Variants in PTBP3 observed in about 807,000 individuals in gnomAD.
PTBP3 encodes polypyrimidine tract binding protein 3, also known as polypyrimidine tract-binding protein 3.
Under a neutral mutation model 58.7 loss-of-function variants are expected in PTBP3, and 20 were observed. The ratio of observed to expected loss-of-function variants is 0.34; its 90% confidence interval spans 0.24 to 0.50. The LOEUF (loss-of-function observed/expected upper bound fraction) is 0.50, where lower values mean the gene tolerates loss of function less well. Among genes scored for constraint, PTBP3 ranks in the 20% least tolerant of loss-of-function variants. PTBP3 has a pLI of 0.98. For missense variants in PTBP3, 509 were observed against 637.2 expected, an observed-to-expected ratio of 0.80 and a Z score of 2.17; for synonymous variants, 185 against 219.8, an observed-to-expected ratio of 0.84 and a Z score of 1.40.
At chr9:112,230,625 T>G (rs1835162946) in intron 10 of PTBP3, among the ~76,000 whole-genome samples, 1 of 152,156 alleles carries the variant, frequency 6.6e-6, no homozygotes. Flanking sequence ...ACCATTAAAA[T>G]CAAGTAGTGA....
At chr9:112,319,846 T>C (rs1180935163) in intron 1 of PTBP3, among the ~76,000 whole-genome samples, 1 of 152,154 alleles carries the variant, frequency 6.6e-6, no homozygotes, top group Non-Finnish European at 1.5e-5. Flanking sequence ...ACTCAGTCTT[T>C]AAAAAGAAGG....
In PTBP3 at chr9:112,252,699, T is replaced by C; in HGVS notation, c.606A>G (p.Val202=). 5 of 1,607,388 alleles carry C rather than the reference T, an allele frequency of 3.1e-6. No individual in the cohort carries two copies. Among genetic ancestry groups the C allele is most frequent in the Non-Finnish European group, 4.3e-6 (5 of 1,174,222 alleles). ...TTACCATTTTGGCATAATGTGCATT[T>C]ACTGGGTCAGCATACTGAAGCAAGG... is the stretch of plus-strand genomic sequence containing the variant. ...FQALLQYADP[V]NAHYAKMALD... is the part of the protein sequence containing the mutation. Residue 202 remains valine, a synonymous_variant, in exon 6 of 14, where the codon GTA becomes GTG. Coordinates refer to ENST00000374257, the MANE Select transcript of PTBP3 (RefSeq NM_001163788.4).
intron 2 of PTBP3, among the ~76,000 whole-genome samples, chr9:112,283,744 C>A (rs1236573437): frequency 6.6e-5 from 10 of 152,212 alleles, no homozygotes; most frequent in African/African-American, 2.4e-4. Context: ...CACAGCATCC[C>A]CTCCCATCAC....
intron 4 of PTBP3, 41 bp downstream of exon 4, chr9:112,268,008 G>A: frequency 1.3e-6 from 2 of 1,551,668 alleles, no homozygotes; most frequent in Non-Finnish European, 1.8e-6. Flanking sequence ...ATCATACCAT[G>A]TGTTCCCATA....
At chr9:112,321,483 C>T (rs561332686) in intron 1 of PTBP3, among the ~76,000 whole-genome samples, 5 of 149,450 alleles carry the variant, frequency 3.3e-5, no homozygotes, top group South Asian at 2.1e-4. Context: ...AAGCCAAGAT[C>T]GCACCACTGC....
At chr9:112,236,909 A>T (rs1227018606) in intron 7 of PTBP3, among the ~76,000 whole-genome samples, 2 of 152,120 alleles carry the variant, frequency 1.3e-5, no homozygotes, top group Non-Finnish European at 2.9e-5. Flanking sequence ...TGGCTGCAAG[A>T]GCTTATTCAC....
intron 3 of PTBP3, among the ~76,000 whole-genome samples, chr9:112,268,609 G>A (rs1047509069): frequency 2.0e-5 from 3 of 151,258 alleles, no homozygotes; most frequent in African/African-American, 7.3e-5. Context: ...GGTGAGGGAG[G>A]GGCTGAGTAG....
intron 2 of PTBP3, among the ~76,000 whole-genome samples, chr9:112,290,713 C>CAA (rs1828378103): frequency 7.0e-6 from 1 of 142,398 alleles, no homozygotes; most frequent in Non-Finnish European, 1.6e-5. Flanking sequence ...TATATACACA[C>CAA]ACACACACAC....
At chr9:112,311,797 A>C (rs907234484) in intron 1 of PTBP3, among the ~76,000 whole-genome samples, 1 of 152,100 alleles carries the variant, frequency 6.6e-6, no homozygotes, top group African/African-American at 2.4e-5. Flanking sequence ...ACGGTTTTTT[A>C]ATTAGCCGGG....
the PTBP3 span, among the ~76,000 whole-genome samples, chr9:112,363,516 TCACA>T: frequency 0.022 from 2,958 of 134,660 alleles, 37 homozygotes; most frequent in Admixed American, 0.043. Context: ...AGCAAAACTG[TCACA>T]CACACACACA....
At chr9:112,314,224 A>G (rs1047486670) in intron 1 of PTBP3, among the ~76,000 whole-genome samples, 2 of 152,236 alleles carry the variant, frequency 1.3e-5, no homozygotes, top group Non-Finnish European at 2.9e-5. Context: ...CACAAATACC[A>G]ATCATAAGAA....
At chr9:112,361,812 G>C in the PTBP3 span, among the ~76,000 whole-genome samples, 1 of 152,188 alleles carries the variant, frequency 6.6e-6, no homozygotes, top group Non-Finnish European at 1.5e-5. Flanking sequence ...CTGAGAGACT[G>C]CCAAACTGTT....
the PTBP3 span, among the ~76,000 whole-genome samples, chr9:112,376,814 C>G: frequency 6.6e-6 from 1 of 152,280 alleles, no homozygotes; most frequent in African/African-American, 2.4e-5. Context: ...CCCTTCCCAG[C>G]CCACTGACTC....
chr9:112,280,558 A>G (rs1827811336), intron 2 of PTBP3, among the ~76,000 whole-genome samples: 3 of 152,162 alleles, frequency 2.0e-5, no homozygotes, highest in Non-Finnish European at 4.4e-5. Context: ...GTTCCCTTCT[A>G]TTCCCAGTTG....
upstream of PTBP3, among the ~76,000 whole-genome samples, chr9:112,334,911 C>T (rs181034206): frequency 7.7e-4 from 117 of 152,264 alleles, no homozygotes; most frequent in African/African-American, 2.7e-3. Flanking sequence ...TTCTTAAAGT[C>T]CTGTATCTAA....
At chr9:112,320,677 T>G (rs1829913856) in intron 1 of PTBP3, among the ~76,000 whole-genome samples, 1 of 152,126 alleles carries the variant, frequency 6.6e-6, no homozygotes, top group Non-Finnish European at 1.5e-5. Flanking sequence ...CAGTGTGATA[T>G]TAACATAAGA....
Position 112,223,975 on chromosome 9 carries a change from C to T in PTBP3, c.1451G>A (p.Arg484His), listed in dbSNP as rs1438162110. ...TCCCAATTGAATGAGCGCCATTTTG[C>T]GATCTTTCCTGAAAATGGTATAAGA... ...VKAFKFFQKDRKMALIQLGSV... is the reference protein window; with the variant it reads ...VKAFKFFQKDHKMALIQLGSV... The change falls in exon 14 of 14, where the codon CGC (arginine) becomes CAC (histidine). Residue 484 changes from arginine to histidine, a missense_variant. This residue lies in a region of PTBP3 where 135 missense variants were observed against 229.0 expected (regional missense o/e 0.59). Coordinates refer to ENST00000374257, the MANE Select transcript of PTBP3 (RefSeq NM_001163788.4). 3.1e-6 allele frequency: 5 copies of T among 1,610,016 alleles called. No homozygotes were observed. Among genetic ancestry groups the T allele is most frequent in the African/African-American group, 1.3e-5 (1 of 74,598 alleles).
the PTBP3 span, among the ~76,000 whole-genome samples, chr9:112,344,965 C>T: frequency 6.6e-6 from 1 of 152,034 alleles, no homozygotes; most frequent in African/African-American, 2.4e-5. Flanking sequence ...AAACCCCCAT[C>T]TCTACTAAAA....
rs1830472522 is a variant in PTBP3 at position 112,333,473 on chromosome 9, T to C, written c.-55A>G. On this transcript the variant is annotated 5_prime_UTR_variant, in exon 1 of 14. It removes an upstream start codon present in the reference 5' UTR. Coordinates refer to ENST00000374257, the MANE Select transcript of PTBP3 (RefSeq NM_001163788.4). ...CGCCGCGCCGCCTAGTACTTACCCA[T>C]CCATGGCCCAGATGGAGGCGCGCAC... 6.3e-7 allele frequency: 1 copy of C among 1,589,368 alleles called. No individual in the cohort carries two copies. Among genetic ancestry groups the C allele is most frequent in the Non-Finnish European group, 8.6e-7 (1 of 1,168,662 alleles).
Sources: gnomAD v4.1 joint callset for allele counts (sites outside exome capture counted in the v4.1 genomes callset) on GRCh38, gnomAD v4.1.1 for gene constraint, gnomAD v4.1.1 regional missense constraint, MANE v1.5 for transcripts, NCBI Gene and HGNC (gene_info 2026-07-23, HGNC 2026-07-21) for gene names.